DST: variants seen among roughly 807,000 people sequenced by gnomAD.
DST encodes the protein dystonin, also known as bullous pemphigoid antigen.
In DST, 253 loss-of-function variants were observed where a neutral mutation model predicts 875.2. That is an observed-to-expected ratio of 0.29 (90% confidence interval 0.26 to 0.32). The LOEUF (loss-of-function observed/expected upper bound fraction) is 0.32, where lower values mean the gene tolerates loss of function less well. Ranked by LOEUF, DST falls within the 10% of genes least tolerant of loss-of-function variation. DST has a pLI of 1.00. For missense variants in DST, 8,287 were observed against 9,111.6 expected (o/e 0.91, Z 3.68); for synonymous variants, 3,124 against 3,197.1 (o/e 0.98, Z 0.77).
chr6:56,468,492 G>A (rs2094705162), intron 98 of DST, among the ~76,000 whole-genome samples: 1 of 152,096 alleles, frequency 6.6e-6, no homozygotes, highest in Admixed American at 6.6e-5. Context: ...TAGCTTCTTT[G>A]GAGAGAACTT....
Position 56,616,054 on chromosome 6 carries a change from A to G in DST, c.4930-1570T>C. 1 of 1,614,248 alleles carries G rather than the reference A, an allele frequency of 6.2e-7. No homozygotes were observed. Among genetic ancestry groups the G allele is most frequent in the Non-Finnish European group, 8.5e-7 (1 of 1,180,038 alleles). On this transcript the variant is annotated intron_variant, in intron 36 of 103. Coordinates refer to ENST00000680361, the MANE Select transcript of DST (RefSeq NM_001374736.1). ...GGCATCGGAGGGCAGTAATCCGATC[A>G]ACCAAATTTCTACGGGAGGCTTTTA...
intron 9 of DST, among the ~76,000 whole-genome samples, chr6:56,696,324 G>A (rs1054374306): frequency 2.6e-5 from 4 of 152,162 alleles, no homozygotes; most frequent in East Asian, 1.9e-4. Flanking sequence ...CACAACGCCC[G>A]GCGAATTTTG....
intron 9 of DST, among the ~76,000 whole-genome samples, chr6:56,675,667 C>T (rs1165382920): frequency 2.0e-4 from 30 of 152,086 alleles, no homozygotes. Flanking sequence ...TTCTGGCCAA[C>T]ATGGTGAAAC....
At chr6:56,526,257 G>C in intron 69 of DST, 104 bp downstream of exon 69, 1 of 1,207,078 alleles carries the variant, frequency 8.3e-7, no homozygotes, top group Non-Finnish European at 1.2e-6. Flanking sequence ...TGGAAGCACA[G>C]CAAATGAATG....
At chr6:56,876,057 C>G (rs1206146880) in intron 3 of DST, among the ~76,000 whole-genome samples, 1 of 152,102 alleles carries the variant, frequency 6.6e-6, no homozygotes, top group African/African-American at 2.4e-5. Context: ...ACCTCTCCAG[C>G]AGAGGCTTCT....
Position 56,776,668 on chromosome 6 carries a change from G to T in DST, c.626-41379C>A, listed in dbSNP as rs543250087. The stretch of plus-strand genomic sequence containing the variant: ...TAAAATTTTTTTTAATTTCAAAAGG[G>T]TCACATATTTTGAAACCTTTCAAGA... On this transcript the variant is annotated intron_variant, in intron 4 of 103. Transcript: ENST00000680361. Among the ~76,000 whole-genome samples the T allele has an allele frequency of 4.6e-5, 7 of 151,768 alleles. No homozygotes were observed. In the South Asian group the frequency reaches 1.0e-3, roughly 23 times the overall value.
chr6:56,949,009 G>A (rs1157446185), intron 2 of DST, among the ~76,000 whole-genome samples: 2 of 152,158 alleles, frequency 1.3e-5, no homozygotes, highest in Admixed American at 6.5e-5. Flanking sequence ...CAGTTAGTTT[G>A]TGGCAGAGCT....
intron 3 of DST, among the ~76,000 whole-genome samples, chr6:56,881,200 C>A (rs183536607): frequency 1.7e-3 from 263 of 152,192 alleles, no homozygotes; most frequent in African/African-American, 6.1e-3. Flanking sequence ...TAAGGCCAGG[C>A]ACGGTGGCTC....
rs1366712203 is a variant in DST at position 56,555,595 on chromosome 6, T to C, written c.14886A>G (p.Lys4962=). 1 of 1,614,022 alleles carries C rather than the reference T, an allele frequency of 6.2e-7. No homozygotes were observed. Among genetic ancestry groups the C allele is most frequent in the South Asian group, 1.1e-5 (1 of 91,084 alleles). ...YQSLLRSLSD[K]LSDLDNKLSS... ...TGAGTTTATTATCCAAGTCACTCAG[T>C]TTATCAGAAAGGCTTCTCAGCAGGC... The change falls in exon 60 of 104, where the codon AAA becomes AAG. Residue 4962 remains lysine (K), a synonymous_variant. Coordinates refer to ENST00000680361, the MANE Select transcript of DST (RefSeq NM_001374736.1).
At chr6:56,816,464 A>G (rs915746497) in intron 4 of DST, among the ~76,000 whole-genome samples, 1 of 152,222 alleles carries the variant, frequency 6.6e-6, no homozygotes, top group Non-Finnish European at 1.5e-5. Flanking sequence ...GCCAATAAAG[A>G]GATTTAGAAG....
At chr6:56,566,591 C>T (rs368613743) in intron 55 of DST, among the ~76,000 whole-genome samples, 10 of 152,144 alleles carry the variant, frequency 6.6e-5, no homozygotes, top group South Asian at 2.1e-4. Context: ...AGAAATCACC[C>T]GCCTTCTGCA....
chr6:56,585,202 T>C (rs1254156085), intron 49 of DST, among the ~76,000 whole-genome samples: 8 of 152,206 alleles, frequency 5.3e-5, no homozygotes, highest in East Asian at 1.9e-4. Context: ...TGGTAGAATT[T>C]GGCTGTGAAT....
At chr6:56,597,645 A>G (rs2098404351) in intron 47 of DST, 95 bp downstream of exon 47, 1 of 1,314,360 alleles carries the variant, frequency 7.6e-7, no homozygotes. Context: ...CTCTTTTGTC[A>G]GTAAGGTTTG....
chr6:56,722,424 C>G (rs2099423133), intron 5 of DST, among the ~76,000 whole-genome samples: 1 of 151,596 alleles, frequency 6.6e-6, no homozygotes, highest in African/African-American at 2.4e-5. Flanking sequence ...CACTCTTTCA[C>G]CCAGGCTGGA....
intron 2 of DST, among the ~76,000 whole-genome samples, chr6:56,947,790 C>T (rs1820374185): frequency 6.6e-6 from 1 of 152,178 alleles, no homozygotes; most frequent in Non-Finnish European, 1.5e-5. Flanking sequence ...CTTGTCTATC[C>T]TCATGCCCTT....
intron 36 of DST, chr6:56,617,237 T>A (rs2152731944): frequency 6.2e-7 from 1 of 1,607,028 alleles, no homozygotes; most frequent in Middle Eastern, 1.7e-4. Flanking sequence ...ACATGCATGA[T>A]CACCATCAAA....
intron 14 of DST, 22 bp downstream of exon 14, chr6:56,646,065 T>C (rs2098941107): frequency 6.4e-7 from 1 of 1,569,004 alleles, no homozygotes; most frequent in African/African-American, 1.4e-5. Flanking sequence ...TGCTTGACAA[T>C]ACAAAGCAAA....
At chr6:56,626,683 G>C (rs1176962371) in intron 34 of DST, among the ~76,000 whole-genome samples, 1 of 152,122 alleles carries the variant, frequency 6.6e-6, no homozygotes, top group Non-Finnish European at 1.5e-5. Flanking sequence ...CTTCCAAGAT[G>C]GGGACAAAAT....
chr6:56,511,087 A>G, intron 73 of DST, 110 bp downstream of exon 73: 1 of 923,120 alleles, frequency 1.1e-6, no homozygotes, highest in Non-Finnish European at 1.6e-6. Flanking sequence ...CTCAAGAGTG[A>G]ATGTGGTGAA....
Sources: allele counts gnomAD v4.1 joint callset (sites outside exome capture counted in the v4.1 genomes callset), GRCh38; gene constraint gnomAD v4.1.1; transcripts MANE v1.5; gene names NCBI Gene and HGNC (gene_info 2026-07-23, HGNC 2026-07-21).